The following TSC2 variants were observed in gnomAD, a reference collection of about 807,000 sequenced individuals.
The protein encoded by TSC2 is tuberin.
Under a neutral mutation model 202.2 loss-of-function variants are expected in TSC2, and 29 were observed. That is an observed-to-expected ratio of 0.14 (90% CI 0.11 to 0.20). TSC2 has a LOEUF of 0.20. Among genes scored for constraint, TSC2 ranks in the 10% least tolerant of loss-of-function variants. The pLI is 1.00. For missense variants in TSC2, 2,429 were observed against 2,420.0 expected (o/e 1.00, Z -0.08); for synonymous variants, 1,349 against 1,044.0 (o/e 1.29, Z -5.63).
chr16:2,084,241 C>T lies in TSC2; in HGVS notation c.4019C>T (p.Ser1340Phe), dbSNP rs753656246. 7 of 1,596,306 alleles carry T rather than the reference C, an allele frequency of 4.4e-6. No individual in the cohort carries two copies. In the Admixed American group the frequency reaches 8.5e-5, roughly 19 times the overall value. ...TDAYSRSSSVSSQEEKSLHAE... is the reference protein window; with the variant it reads ...TDAYSRSSSVFSQEEKSLHAE... ...GGTCCTTTCTAGTCGTCCTCAGTCT[C>T]CAGCCAGGAGGAGAAGTCGCTCCAC... The change falls in exon 34 of 42, where the codon TCC (serine) becomes TTC (phenylalanine). Residue 1340 changes from serine (S) to phenylalanine (F), a missense_variant. Coordinates refer to ENST00000219476, the MANE Select transcript of TSC2 (RefSeq NM_000548.5).
intron 15 of TSC2, 107 bp from the exon 16 acceptor site, chr16:2,065,412 C>CAA (rs369052665): frequency 5.9e-3 from 2,489 of 422,348 alleles, no homozygotes; most frequent in East Asian, 8.4e-3. Flanking sequence ...GACTCGATCT[C>CAA]AAAAAAAAAA....
chr16:2,057,096 G>A lies in TSC2; in HGVS notation c.775-9G>A, dbSNP rs1596280442. 1.3e-6 allele frequency: 2 copies of A among 1,551,200 alleles called. No homozygotes were observed. Among genetic ancestry groups the A allele is most frequent in the Non-Finnish European group, 1.7e-6 (2 of 1,146,970 alleles). ...CCTGCCAGCCCCTGACACGCATTGT[G>A]TCTCGCAGCTGATGCGGAACCTCCT... is the stretch of plus-strand genomic sequence containing the variant. On this transcript the variant is annotated splice_polypyrimidine_tract_variant and intron_variant, in intron 8 of 41. Coordinates refer to ENST00000219476, the MANE Select transcript of TSC2 (RefSeq NM_000548.5).
chr16:2,081,763 C>T lies in TSC2; in HGVS notation c.3779C>T (p.Thr1260Met), dbSNP rs776738338. 1.9e-5 allele frequency: 30 copies of T among 1,612,626 alleles called. No homozygotes were observed. The highest frequency in any genetic ancestry group is 1.6e-4 in the African/African-American group (12 of 74,936). ...YKSLSVPAAS[T>M]AKPPPLPRSN... Reference sequence around the variant, plus strand: ...TCACTGTCGGTGCCGGCAGCCAGCACGGCCAAACCCCCTCCTCTGCCTCGC... The same window carrying T: ...TCACTGTCGGTGCCGGCAGCCAGCATGGCCAAACCCCCTCCTCTGCCTCGC... The change falls in exon 31 of 42, where the codon ACG (threonine) becomes ATG (methionine). Residue 1260 changes from threonine (T) to methionine (M), a missense_variant. Transcript: ENST00000219476.
intron 13 of TSC2, 99 bp downstream of exon 13, chr16:2,062,699 G>A: frequency 7.7e-7 from 1 of 1,297,724 alleles, no homozygotes; most frequent in South Asian, 1.3e-5. Context: ...GATGAGCAGG[G>A]CCCTCCCCTC....
chr16:2,086,417 C>T (rs1411950238), intron 37 of TSC2, 38 bp downstream of exon 37: 1 of 1,600,658 alleles, frequency 6.2e-7, no homozygotes, highest in Non-Finnish European at 8.5e-7. Context: ...CTGCCCCAGG[C>T]CTCAGGGCAC....
chr16:2,087,723 C>A, intron 38 of TSC2, 140 bp from the exon 39 acceptor site: 1 of 1,080,300 alleles, frequency 9.3e-7, no homozygotes, highest in Non-Finnish European at 1.4e-6. Context: ...CAAACACAGC[C>A]CCGCTGCCAG....
At position 2,064,329 on chromosome 16, in the gene TSC2, G is replaced by A; in HGVS notation, c.1501G>A (p.Asp501Asn). 1 of 1,613,836 alleles carries A rather than the reference G, an allele frequency of 6.2e-7. No individual in the cohort carries two copies. Among genetic ancestry groups the A allele is most frequent in the Non-Finnish European group, 8.5e-7 (1 of 1,180,014 alleles). The change falls in exon 15 of 42, where the codon GAC becomes AAC. Residue 501 changes from aspartate (D) to asparagine (N), a missense_variant. Physicochemically the swap from Asp to Asn is conservative, Grantham distance 23. Transcript: ENST00000219476. ...GCTCTCCCACATCCCCGAGGATAAAGACCACCAGGTCCGAAAGCTGGCCAC... is the reference window on the plus strand; with the variant it reads ...GCTCTCCCACATCCCCGAGGATAAAAACCACCAGGTCCGAAAGCTGGCCAC... ...SQLSHIPEDK[D>N]HQVRKLATQL...
chr16:2,048,247 C>A, intron 1 of TSC2, 182 bp downstream of exon 1: 1 of 1,355,462 alleles, frequency 7.4e-7, no homozygotes, highest in Non-Finnish European at 1.0e-6. Context: ...CTGCAGGCGG[C>A]TCCGTGACAG....
chr16:2,086,593 G>C (rs1028989428), intron 37 of TSC2, 139 bp from the exon 38 acceptor site: 1 of 1,444,742 alleles, frequency 6.9e-7, no homozygotes, highest in Non-Finnish European at 9.3e-7. Context: ...GGAGAGCCGA[G>C]GACCACTGGC....
rs150352976 is a variant in TSC2 at position 2,070,524 on chromosome 16, G to A, written c.1785G>A (p.Gln595=). 7 of 1,613,266 alleles carry A rather than the reference G, an allele frequency of 4.3e-6. No homozygotes were observed. In the African/African-American group the frequency reaches 5.3e-5, roughly 12 times the overall value. The change falls in exon 17 of 42, where the codon CAG becomes CAA. Residue 595 remains glutamine, a synonymous_variant. Transcript: ENST00000219476. ...ATGAGATGCTGGTCAGCCACATTCA[G>A]CTCCACTACAAGCACAGCTACACCC... ...RVYEMLVSHI[Q]LHYKHSYTLP... is the part of the protein sequence containing the mutation.
At chr16:2,082,358 C>T (rs747748687) in intron 31 of TSC2, 78 bp from the exon 32 acceptor site, 36 of 1,533,590 alleles carry the variant, frequency 2.3e-5, no homozygotes, top group Middle Eastern at 1.7e-4. Flanking sequence ...TCTGCAGGCA[C>T]GGGGCCTGTG....
At chr16:2,056,833 T>G in intron 8 of TSC2, 64 bp downstream of exon 8, 1 of 1,596,060 alleles carries the variant, frequency 6.3e-7, no homozygotes, top group Non-Finnish European at 8.5e-7. Context: ...AGGGCCATCC[T>G]GTCTCCCATG....
At chr16:2,082,067 T>C (rs1334052281) in intron 31 of TSC2, 1 of 603,012 alleles carries the variant, frequency 1.7e-6, no homozygotes, top group Non-Finnish European at 2.9e-6. Context: ...AGTCCAGCAC[T>C]GCGGGCTCCA....
rs1060500952 is a variant in TSC2 at position 2,084,592 on chromosome 16, G to A, written c.4370G>A (p.Arg1457Gln). 6.2e-7 allele frequency: 1 copy of A among 1,604,910 alleles called. No homozygotes were observed. Residue 1457 changes from arginine to glutamine, a missense_variant, in exon 34 of 42, where the codon CGG becomes CAG. Arg to Gln is a conservative substitution (Grantham distance 43). Coordinates refer to ENST00000219476, the MANE Select transcript of TSC2 (RefSeq NM_000548.5). ...TCCCCCCGCTCGCCCAGTGGCCTCC[G>A]GCCCCGAGGTTACACCATCTCCGAC... Reference protein sequence around the residue: ...SSSPRSPSGLRPRGYTISDSA... With the variant: ...SSSPRSPSGLQPRGYTISDSA...
chr16:2,082,718 C>A, intron 32 of TSC2: 1 of 637,976 alleles, frequency 1.6e-6, no homozygotes, highest in South Asian at 1.8e-5. Context: ...GAGCCCTGTT[C>A]CCACGCTGTG....
chr16:2,062,048 G>C (rs376359333), intron 12 of TSC2, 40 bp downstream of exon 12: 51 of 1,613,098 alleles, frequency 3.2e-5, no homozygotes, highest in Non-Finnish European at 4.2e-5. Context: ...GGCTTTGGCT[G>C]GTGGGGAGGG....
chr16:2,085,373 A>G (rs2151555602), intron 36 of TSC2, 51 bp downstream of exon 36: 1 of 1,591,872 alleles, frequency 6.3e-7, no homozygotes, highest in Non-Finnish European at 8.6e-7. Context: ...GCTGGGCCTC[A>G]GCCTGCAGTG....
At position 2,048,737 on chromosome 16, in the gene TSC2, C is replaced by T. The variant is rs1385450866; in HGVS notation, c.122C>T (p.Thr41Ile). ...AEGKQTEFIITAEILRELSME... is the reference protein window; with the variant it reads ...AEGKQTEFIIIAEILRELSME... ...GGTAAACAGACGGAGTTTATCATCA[C>T]CGCGGAAATACTGAGAGTGAGTGAG... Residue 41 changes from threonine to isoleucine, a missense_variant, in exon 2 of 42, where the codon ACC (threonine) becomes ATC (isoleucine). By Grantham distance (89) the Thr-to-Ile change is moderately conservative. Coordinates refer to ENST00000219476, the MANE Select transcript of TSC2 (RefSeq NM_000548.5). The T allele has an allele frequency of 1.9e-6, 3 of 1,614,038 alleles. No homozygotes were observed. The highest frequency in any genetic ancestry group is 1.3e-5 in the African/African-American group (1 of 75,022).
chr16:2,088,042 C>A lies in TSC2; in HGVS notation c.5069-6C>A, dbSNP rs1212112210. The A allele has an allele frequency of 6.2e-7, 1 of 1,612,466 alleles. No individual in the cohort carries two copies. Among genetic ancestry groups the A allele is most frequent in the African/African-American group, 1.3e-5 (1 of 74,882 alleles). On this transcript the variant is annotated splice_region_variant and splice_polypyrimidine_tract_variant and intron_variant, in intron 39 of 41. Transcript: ENST00000219476. ...TGGGCCTGGCGTGACCACCAAGTCT[C>A]CCCAGACATGGAGGGCCTTGTGGAC...
Sources: allele counts gnomAD v4.1 joint callset, GRCh38; gene constraint gnomAD v4.1.1; transcripts MANE v1.5; gene names NCBI Gene and HGNC (gene_info 2026-07-23, HGNC 2026-07-21).